The following LRP2 variants were observed in gnomAD, a reference collection of about 807,000 sequenced individuals.
The protein encoded by LRP2 is LDL receptor related protein 2.
Under a neutral mutation model 531.0 loss-of-function variants are expected in LRP2, and 172 were observed. That is an observed-to-expected ratio of 0.32 (90% CI 0.29 to 0.37). LRP2 has a LOEUF of 0.37. Ranked by LOEUF, LRP2 falls within the 10% of genes least tolerant of loss-of-function variation. The probability of loss-of-function intolerance (pLI) is 1.00; values close to 1 mark genes in which losing one functional copy is unlikely to be tolerated. For missense variants in LRP2, 5,167 were observed against 5,868.3 expected (o/e 0.88, Z 3.90); for synonymous variants, 1,992 against 2,027.6 (o/e 0.98, Z 0.47).
intron 9 of LRP2, among the ~76,000 whole-genome samples, chr2:169,286,741 G>A (rs1277889674): frequency 6.6e-6 from 1 of 152,186 alleles, no homozygotes; most frequent in East Asian, 1.9e-4. Context: ...TAGCGATTCT[G>A]AAAGAACAAA....
At chr2:169,142,167 C>T (rs1457032160) in intron 71 of LRP2, among the ~76,000 whole-genome samples, 1 of 152,194 alleles carries the variant, frequency 6.6e-6, no homozygotes, top group Non-Finnish European at 1.5e-5. Flanking sequence ...GAAAAAAAGT[C>T]TTGCCAAGAA....
chr2:169,211,829 G>T, intron 37 of LRP2, 139 bp downstream of exon 37: 4 of 1,188,856 alleles, frequency 3.4e-6, no homozygotes, highest in Middle Eastern at 5.1e-4. Flanking sequence ...AACACTTTAG[G>T]CTGTGCCAGT....
intron 1 of LRP2, among the ~76,000 whole-genome samples, chr2:169,336,050 C>T (rs1053592538): frequency 6.0e-5 from 9 of 151,110 alleles, no homozygotes; most frequent in African/African-American, 2.2e-4. Context: ...AAAGTATTCA[C>T]TATCCTAATT....
At chr2:169,191,725 C>T in intron 48 of LRP2, 107 bp downstream of exon 48, 1 of 873,344 alleles carries the variant, frequency 1.1e-6, no homozygotes, top group Non-Finnish European at 1.9e-6. Context: ...CCACTAAAAG[C>T]ATCATGGGCC....
chr2:169,199,849 A>C (rs763069375), intron 44 of LRP2, among the ~76,000 whole-genome samples: 1 of 152,360 alleles, frequency 6.6e-6, no homozygotes, highest in Admixed American at 6.5e-5. Context: ...ATAATAAAAC[A>C]ACTAAATGTC....
rs751263231 is a variant in LRP2 at position 169,170,689 on chromosome 2, C to T, written c.11264-22G>A. The T allele has an allele frequency of 5.3e-6, 8 of 1,515,898 alleles. No homozygotes were observed. In the African/African-American group the frequency reaches 5.5e-5, roughly 10 times the overall value. 93.9% of individuals were successfully genotyped at this position (1,515,898 alleles called of 1,614,324 possible). A position where few individuals can be genotyped will look rare whatever the true frequency, so the allele number is the denominator to read the frequency against. The stretch of plus-strand genomic sequence containing the variant: ...GGAGCTGGAAAGGAAAGGCACCTGG[C>T]CATGAGTGTGCACCAGGAATCACAT... On this transcript the variant is annotated intron_variant, in intron 58 of 78. Coordinates refer to ENST00000649046, the MANE Select transcript of LRP2 (RefSeq NM_004525.3).
At chr2:169,295,525 A>G (rs1310805111) in intron 4 of LRP2, among the ~76,000 whole-genome samples, 3 of 152,122 alleles carry the variant, frequency 2.0e-5, no homozygotes, top group Non-Finnish European at 4.4e-5. Context: ...CCAGACTTGG[A>G]CCACCTGTCT....
chr2:169,140,063 G>T (rs936229794), intron 72 of LRP2, among the ~76,000 whole-genome samples: 1 of 152,182 alleles, frequency 6.6e-6, no homozygotes, highest in Admixed American at 6.5e-5. Flanking sequence ...TTGTACTAAA[G>T]CAGCCCTGCA....
rs527384972 is a variant in LRP2, at chr2:169,129,628, A to G, written c.13729-544T>C. 2.6e-5 allele frequency among the ~76,000 whole-genome samples: 4 copies of G among 152,308 alleles called. No homozygotes were observed. In the South Asian group the frequency reaches 8.3e-4, roughly 32 times the overall value. Reference sequence around the variant, plus strand: ...ACTATGTGTCAGGAACTATTCTAAGAGTTTTACAAGTTTCTGATTTTTTTT... The same window carrying G: ...ACTATGTGTCAGGAACTATTCTAAGGGTTTTACAAGTTTCTGATTTTTTTT... On this transcript the variant is annotated intron_variant, in intron 77 of 78. Coordinates refer to ENST00000649046, the MANE Select transcript of LRP2 (RefSeq NM_004525.3).
Position 169,137,387 on chromosome 2 carries a change from C to G in LRP2, c.13620+5G>C, listed in dbSNP as rs868328957. 6.3e-7 allele frequency: 1 copy of G among 1,599,016 alleles called. No homozygotes were observed. The highest frequency in any genetic ancestry group is 8.6e-7 in the Non-Finnish European group (1 of 1,166,358). On this transcript the variant is annotated splice_donor_5th_base_variant and intron_variant, in intron 76 of 78. Transcript: ENST00000649046. ...ACTGAAAGAAAAGACTGTATGGTTT[C>G]TCACCTGGATTGGCTGAACCACTTT... is the stretch of plus-strand genomic sequence containing the variant.
chr2:169,278,092 G>GTTT (rs149373807), intron 12 of LRP2, 141 bp from the exon 13 acceptor site: 127 of 678,062 alleles, frequency 1.9e-4, no homozygotes, highest in African/African-American at 1.5e-3. Context: ...GGGAAATTAA[G>GTTT]TTGTTTTTTT....
chr2:169,201,317 G>A (rs1194811050), intron 44 of LRP2, among the ~76,000 whole-genome samples: 1 of 152,162 alleles, frequency 6.6e-6, no homozygotes, highest in East Asian at 1.9e-4. Context: ...CATGGACTAG[G>A]TACTCAGGGA....
intron 33 of LRP2, 83 bp from the exon 34 acceptor site, chr2:169,220,646 A>C: frequency 1.1e-6 from 1 of 871,120 alleles, no homozygotes; most frequent in Non-Finnish European, 1.9e-6. Flanking sequence ...TTATGTACAA[A>C]ACAAATTCCA....
chr2:169,182,686 T>C (rs1016690558), intron 50 of LRP2: 1 of 970,766 alleles, frequency 1.0e-6, no homozygotes, highest in African/African-American at 1.8e-5. Context: ...ACAGTTTAAA[T>C]GGTGGAGTCA....
chr2:169,143,921 A>C (rs1387004546), intron 70 of LRP2, among the ~76,000 whole-genome samples: 2 of 152,228 alleles, frequency 1.3e-5, no homozygotes, highest in African/African-American at 4.8e-5. Flanking sequence ...TAAATTAGTA[A>C]CACATCTTCC....
intron 1 of LRP2, among the ~76,000 whole-genome samples, chr2:169,346,110 T>G (rs1402300435): frequency 6.6e-6 from 1 of 152,238 alleles, no homozygotes; most frequent in Non-Finnish European, 1.5e-5. Flanking sequence ...TTGTTGCACA[T>G]ATTCACAATC....
chr2:169,344,340 A>G lies in LRP2; in HGVS notation c.79+17981T>C, dbSNP rs1685643411. Among the ~76,000 whole-genome samples, 6 of 150,980 alleles carry G rather than the reference A, an allele frequency of 4.0e-5. No homozygotes were observed. In the South Asian group the frequency reaches 8.5e-4, roughly 21 times the overall value. ...TGTGTCCATGTGTTCTCATTGTTCA[A>G]CTCCCACTTATGAGTGAGAACCTGT... On this transcript the variant is annotated intron_variant, in intron 1 of 78. Transcript: ENST00000649046.
chr2:169,359,895 G>A (rs1447321769), intron 1 of LRP2, among the ~76,000 whole-genome samples: 4 of 151,952 alleles, frequency 2.6e-5, no homozygotes, highest in Non-Finnish European at 4.4e-5. Context: ...AGGCCTAGGC[G>A]GGCAGATCAC....
chr2:169,338,172 A>G (rs1685456940), intron 1 of LRP2, among the ~76,000 whole-genome samples: 2 of 150,096 alleles, frequency 1.3e-5, no homozygotes, highest in Non-Finnish European at 3.0e-5. Flanking sequence ...GTAGGGGAGG[A>G]GAGGAAAGAA....
Sources: gnomAD v4.1 joint callset for allele counts (sites outside exome capture counted in the v4.1 genomes callset) on GRCh38, gnomAD v4.1.1 for gene constraint, MANE v1.5 for transcripts, NCBI Gene and HGNC (gene_info 2026-07-23, HGNC 2026-07-21) for gene names.